Variants in ACTR8 observed in about 807,000 individuals in gnomAD.
ACTR8 encodes the protein actin related protein 8.
In ACTR8, 70 loss-of-function variants were observed where a neutral mutation model predicts 84.3. The ratio of observed to expected loss-of-function variants is 0.83; its 90% CI spans 0.68 to 1.01. The LOEUF (loss-of-function observed/expected upper bound fraction) is 1.01, where lower values mean the gene tolerates loss of function less well. Ranked by LOEUF, ACTR8 falls within the 50% of genes least tolerant of loss-of-function variation. The pLI is 0.00. For missense variants in ACTR8, 672 were observed against 775.4 expected (o/e 0.87, Z 1.58); for synonymous variants, 268 against 275.2 (o/e 0.97, Z 0.26).
downstream of ACTR8, among the ~76,000 whole-genome samples, chr3:53,864,019 C>T (rs1171612126): frequency 2.0e-5 from 3 of 151,938 alleles, no homozygotes; most frequent in African/African-American, 4.8e-5. Context: ...GATGGGGTTT[C>T]GCCATGTTGC....
At chr3:53,876,874 A>G (rs1056442519) in intron 5 of ACTR8, among the ~76,000 whole-genome samples, 161 bp from the exon 6 acceptor site, 1 of 29,242 alleles carries the variant, frequency 3.4e-5, no homozygotes, top group African/African-American at 2.7e-4. Context: ...TTTATAAGGA[A>G]AAAAAAAATG....
At chr3:53,860,326 T>C in the ACTR8 span, 1 of 912,580 alleles carries the variant, frequency 1.1e-6, no homozygotes, top group Non-Finnish European at 1.7e-6. Flanking sequence ...CATGTTGGCG[T>C]TTCCCAGAGT....
At chr3:53,871,660 G>A (rs773027769) in intron 10 of ACTR8, among the ~76,000 whole-genome samples, 164 bp from the exon 11 acceptor site, 4 of 152,160 alleles carry the variant, frequency 2.6e-5, no homozygotes, top group South Asian at 2.1e-4. Context: ...AATGAGAGAC[G>A]GTGCACAGAT....
Position 53,882,099 on chromosome 3 carries a change from CATT to C in ACTR8, c.-1_2del, listed in dbSNP as rs1195160504. 5 of 1,551,518 alleles carry C rather than the reference CATT, an allele frequency of 3.2e-6. No individual in the cohort carries two copies. Among genetic ancestry groups the C allele is most frequent in the Non-Finnish European group, 3.5e-6 (4 of 1,146,804 alleles). ...CCGTATCACCCTTCTCAGCCTGGGT[CATT>C]ATGGCCGGAGACACCCACCAACCTC... On this transcript the variant is annotated start_lost and start_retained_variant and 5_prime_UTR_variant, in exon 1 of 13. Transcript: ENST00000335754.
At chr3:53,865,008 G>A (rs779327768), downstream of ACTR8, 5 of 1,614,210 alleles carry the variant, frequency 3.1e-6, no homozygotes, top group Middle Eastern at 1.6e-4. Context: ...TCAACAGTGT[G>A]TGCGATGGTA....
chr3:53,880,911 C>T (rs1238007655), intron 1 of ACTR8, among the ~76,000 whole-genome samples: 1 of 152,202 alleles, frequency 6.6e-6, no homozygotes, highest in Non-Finnish European at 1.5e-5. Flanking sequence ...CTTGAGTGCC[C>T]AATACTGCCC....
chr3:53,876,536 A>T, intron 6 of ACTR8, 84 bp downstream of exon 6: 1 of 796,760 alleles, frequency 1.3e-6, no homozygotes, highest in Non-Finnish European at 2.1e-6. Context: ...TAAATAAATA[A>T]ATAAGTCAGT....
intron 6 of ACTR8, 67 bp from the exon 7 acceptor site, chr3:53,876,147 A>G: frequency 6.3e-7 from 1 of 1,578,758 alleles, no homozygotes. Context: ...CAAAACAGAT[A>G]ATCAGCTGAA....
rs887180846 is a variant in ACTR8, at chr3:53,867,072, G to T, written c.*1647C>A. On this transcript the variant is annotated 3_prime_UTR_variant, in exon 13 of 13. Transcript: ENST00000335754. ...TAATGGCTGAGGCAATATGTTTAATGTAGCAAATTTTACTTATTTGTCATG... is the reference window on the plus strand; with the variant it reads ...TAATGGCTGAGGCAATATGTTTAATTTAGCAAATTTTACTTATTTGTCATG... 1 of 152,220 alleles carries T rather than the reference G, an allele frequency of 6.6e-6. No individual in the cohort carries two copies. The highest frequency in any genetic ancestry group is 1.5e-5 in the Non-Finnish European group (1 of 68,046). The allele number at this position is 152,220 out of a possible 1,614,324, so 9.4% of individuals were successfully genotyped here. A position where few individuals can be genotyped will look rare whatever the true frequency, so the allele number is the denominator to read the frequency against.
chr3:53,877,189 CA>C (rs1258550682), intron 5 of ACTR8, 24 bp downstream of exon 5: 1 of 1,566,318 alleles, frequency 6.4e-7, no homozygotes, highest in Admixed American at 2.0e-5. Flanking sequence ...AAAAACAATC[CA>C]AATAACTGAG....
Position 53,880,064 on chromosome 3 carries a change from T to G in ACTR8, c.169A>C (p.Thr57Pro). ...TCTGTGGCTCGACCAATCCTTAAAG[T>G]TGTTGAACCTGGATGTATGACAATG... ...FIIVIHPGST[T>P]LRIGRATDTL... The change falls in exon 2 of 13, where the codon ACT becomes CCT. Residue 57 changes from threonine to proline, a missense_variant. Transcript: ENST00000335754. 1 of 1,614,160 alleles carries G rather than the reference T, an allele frequency of 6.2e-7. No homozygotes were observed. The highest frequency in any genetic ancestry group is 8.5e-7 in the Non-Finnish European group (1 of 1,180,006).
intron 1 of ACTR8, 165 bp downstream of exon 1, chr3:53,881,814 T>C (rs1700066117): frequency 8.4e-7 from 1 of 1,184,184 alleles, no homozygotes; most frequent in African/African-American, 1.5e-5. Context: ...GCCCTCGGCG[T>C]CCCGGCGCGC....
intron 10 of ACTR8, 32 bp downstream of exon 10, chr3:53,872,352 C>T: frequency 2.6e-6 from 4 of 1,526,070 alleles, no homozygotes; most frequent in Non-Finnish European, 3.5e-6. Flanking sequence ...AGGGACAAAA[C>T]TCTCTCTTCT....
At chr3:53,862,161 T>A (rs543426967), downstream of ACTR8, among the ~76,000 whole-genome samples, 12 of 152,158 alleles carry the variant, frequency 7.9e-5, no homozygotes, top group Non-Finnish European at 1.6e-4. Context: ...TCTTTTGATA[T>A]TGGACAATGC....
chr3:53,866,855 A>G (rs1699796796), downstream of ACTR8, among the ~76,000 whole-genome samples: 1 of 152,176 alleles, frequency 6.6e-6, no homozygotes, highest in African/African-American at 2.4e-5. Context: ...GGGAATGCTT[A>G]TTTCACACAG....
chr3:53,860,686 T>C, the ACTR8 span: 13,163 of 152,342 alleles, frequency 0.086, 676 homozygotes, highest in East Asian at 0.2. Context: ...TCAATACATA[T>C]ATTGGAAAAT....
Position 53,874,349 on chromosome 3 carries a change from G to A in ACTR8, c.927C>T (p.Tyr309=), listed in dbSNP as rs372149921. Residue 309 remains tyrosine (Y), a synonymous_variant, in exon 8 of 13, where the codon TAC becomes TAT. Coordinates refer to ENST00000335754, the MANE Select transcript of ACTR8 (RefSeq NM_022899.5). ...AACATCTTGACACATCAGATCCTCC[G>A]TATGCCAGACAAAGCCTAAAGTTAA... ...SHRNTRLCLA[Y]GGSDVSRCFY... 122 of 1,613,374 alleles carry A rather than the reference G, an allele frequency of 7.6e-5. No individual in the cohort carries two copies. Among genetic ancestry groups the A allele is most frequent in the African/African-American group, 2.0e-4 (15 of 74,866 alleles).
chr3:53,877,500 T>C (rs2107070384), intron 4 of ACTR8, 113 bp from the exon 5 acceptor site: 2 of 1,338,478 alleles, frequency 1.5e-6, no homozygotes, highest in South Asian at 1.5e-5. Flanking sequence ...ATGTTGAGAG[T>C]GAAGTAGGAG....
At position 53,870,414 on chromosome 3, in the gene ACTR8, AG is replaced by A; in HGVS notation, c.1568-270del. 1 of 384,746 alleles carries A rather than the reference AG, an allele frequency of 2.6e-6. No individual in the cohort carries two copies. The highest frequency in any genetic ancestry group is 4.7e-5 in the East Asian group (1 of 21,398). The allele number at this position is 384,746 out of a possible 1,614,324, so 23.8% of individuals were successfully genotyped here. ...ACGCCTGTAATCCCAGCACTTTGGG[AG>A]GCCAAGGCAGGCAGATCACGAGGTC... On this transcript the variant is annotated intron_variant, in intron 11 of 12. Coordinates refer to ENST00000335754, the MANE Select transcript of ACTR8 (RefSeq NM_022899.5). The surrounding 1 kb of genome is among the most constrained non-coding windows in gnomAD (Gnocchi z 4.1).
Sources: gnomAD v4.1 joint callset for allele counts (sites outside exome capture counted in the v4.1 genomes callset) on GRCh38, gnomAD v4.1.1 for gene constraint, Gnocchi (gnomAD v3.1) non-coding constraint, MANE v1.5 for transcripts, NCBI Gene and HGNC (gene_info 2026-07-23, HGNC 2026-07-21) for gene names.